SHISAL2A: variants seen among roughly 807,000 people sequenced by gnomAD.
SHISAL2A encodes shisa like 2A.
SHISAL2A carries 18 observed loss-of-function variants against 11.5 expected under a neutral mutation model. The ratio of observed to expected loss-of-function variants is 1.57; its 90% CI spans 1.08 to 2.33. SHISAL2A has a LOEUF of 2.33. Among genes scored for constraint, SHISAL2A ranks in the 30% most tolerant of loss-of-function variants. The pLI, the probability that SHISAL2A is intolerant of heterozygous loss-of-function variation, is 0.00. For synonymous variants in SHISAL2A, 94 were observed against 99.6 expected (o/e 0.94, Z 0.34); for missense variants, 261 against 250.9 (o/e 1.04, Z -0.27).
intron 2 of SHISAL2A, among the ~76,000 whole-genome samples, chr1:52,650,637 A>T (rs11205988): frequency 0.019 from 2,578 of 139,284 alleles, 77 homozygotes; most frequent in African/African-American, 0.062. Context: ...TCTTTTTTTT[A>T]AAACCCTTTT....
At chr1:52,635,481 C>A (rs1248738380) in intron 1 of SHISAL2A, among the ~76,000 whole-genome samples, 2 of 151,980 alleles carry the variant, frequency 1.3e-5, no homozygotes, top group Non-Finnish European at 2.9e-5. Flanking sequence ...TCAAAGCTAC[C>A]TTCTTGCACT....
intron 2 of SHISAL2A, among the ~76,000 whole-genome samples, chr1:52,650,663 G>C (rs1471210157): frequency 1.0e-4 from 2 of 19,680 alleles, no homozygotes; most frequent in East Asian, 3.4e-3. Context: ...TTTTTTTTTT[G>C]AGACAGAATC....
At chr1:52,664,585 C>T (rs1046569311) in intron 4 of SHISAL2A, among the ~76,000 whole-genome samples, 6 of 152,082 alleles carry the variant, frequency 3.9e-5, no homozygotes, top group South Asian at 2.1e-4. Context: ...CTCAAACTCC[C>T]GACCTCAGGT....
At chr1:52,653,391 C>T (rs919234825) in intron 2 of SHISAL2A, among the ~76,000 whole-genome samples, 3 of 149,948 alleles carry the variant, frequency 2.0e-5, no homozygotes, top group East Asian at 2.0e-4. Flanking sequence ...GCCCAGGAGG[C>T]GGAGGCTGCC....
chr1:52,643,151 G>T, intron 2 of SHISAL2A, 149 bp downstream of exon 2: 1 of 722,716 alleles, frequency 1.4e-6, no homozygotes, highest in Non-Finnish European at 2.3e-6. Context: ...GGAGATTCGT[G>T]ATCTAAACAT....
intron 4 of SHISAL2A, among the ~76,000 whole-genome samples, chr1:52,663,203 G>A (rs1691942218): frequency 6.6e-6 from 1 of 151,922 alleles, no homozygotes; most frequent in Admixed American, 6.6e-5. Flanking sequence ...ATCAACTCCC[G>A]AACTTTCCCC....
At chr1:52,640,719 T>C (rs900684867) in intron 1 of SHISAL2A, among the ~76,000 whole-genome samples, 1 of 152,154 alleles carries the variant, frequency 6.6e-6, no homozygotes, top group East Asian at 1.9e-4. Flanking sequence ...TCATTTGTTC[T>C]AAAATTTGGT....
chr1:52,645,126 T>C (rs1031273037), intron 2 of SHISAL2A, among the ~76,000 whole-genome samples: 2 of 151,912 alleles, frequency 1.3e-5, no homozygotes, highest in Admixed American at 6.6e-5. Context: ...AAGAGAGGGC[T>C]GAATGCCATC....
chr1:52,650,315 C>G (rs911237800), intron 2 of SHISAL2A, among the ~76,000 whole-genome samples: 1 of 152,146 alleles, frequency 6.6e-6, no homozygotes, highest in African/African-American at 2.4e-5. Flanking sequence ...GGGGGACTGG[C>G]CACGGAGGTC....
chr1:52,663,331 T>G (rs1294821969), intron 4 of SHISAL2A, among the ~76,000 whole-genome samples: 1 of 152,162 alleles, frequency 6.6e-6, no homozygotes, highest in African/African-American at 2.4e-5. Flanking sequence ...ACAGGTTCCC[T>G]CCAAGCACCT....
chr1:52,667,382 TCTCTATGACCCTGC>T, intron 4 of SHISAL2A: 1 of 984,498 alleles, frequency 1.0e-6, no homozygotes, highest in Non-Finnish European at 1.2e-6. Flanking sequence ...TTGTTCACAT[TCTCTATGACCCTGC>T]AGGTGGTTCC....
At chr1:52,649,252 C>T (rs566215243) in intron 2 of SHISAL2A, among the ~76,000 whole-genome samples, 1 of 152,300 alleles carries the variant, frequency 6.6e-6, no homozygotes, top group African/African-American at 2.4e-5. Context: ...CTCTCTTGCG[C>T]TTCAATAGGA....
chr1:52,643,104 A>C (rs1472860911), intron 2 of SHISAL2A, 102 bp downstream of exon 2: 2 of 1,192,530 alleles, frequency 1.7e-6, no homozygotes, highest in Non-Finnish European at 2.4e-6. Context: ...CCTCATGACT[A>C]TTCCTGGAAT....
chr1:52,663,313 T>C (rs1286031532), intron 4 of SHISAL2A, among the ~76,000 whole-genome samples: 1 of 152,066 alleles, frequency 6.6e-6, no homozygotes, highest in East Asian at 1.9e-4. Context: ...ACTGGCAGAA[T>C]CCCAAGCACA....
At chr1:52,652,411 C>G (rs112147558) in intron 2 of SHISAL2A, among the ~76,000 whole-genome samples, 6 of 152,248 alleles carry the variant, frequency 3.9e-5, no homozygotes, top group Non-Finnish European at 7.4e-5. Flanking sequence ...ATTCGTAATC[C>G]TTTACAAATT....
At chr1:52,657,266 G>A (rs1247525722), downstream of SHISAL2A, among the ~76,000 whole-genome samples, 3 of 152,132 alleles carry the variant, frequency 2.0e-5, no homozygotes, top group African/African-American at 4.8e-5. Context: ...CATGCAATCG[G>A]GTGGAAGCCT....
intron 1 of SHISAL2A, among the ~76,000 whole-genome samples, chr1:52,639,479 C>T (rs769913785): frequency 2.0e-5 from 3 of 152,020 alleles, no homozygotes; most frequent in African/African-American, 4.8e-5. Context: ...CTAGGCTGGG[C>T]GTGGTAGCTT....
In SHISAL2A at chr1:52,645,507, C is replaced by G. The variant is rs562721368; in HGVS notation, c.322+2505C>G. On this transcript the variant is annotated intron_variant, in intron 2 of 2. Coordinates refer to ENST00000517870, the MANE Select transcript of SHISAL2A (RefSeq NM_001042693.3). ...CACTGCAGCCTTGCACTCCGGGGCT[C>G]AGGTGATTCTCCCACCTCATTCTCC... Among the ~76,000 whole-genome samples the G allele has an allele frequency of 2.0e-5, 3 of 152,016 alleles. No homozygotes were observed. In the South Asian group the frequency reaches 6.2e-4, roughly 32 times the overall value.
At chr1:52,664,143 C>G (rs956863002) in intron 4 of SHISAL2A, among the ~76,000 whole-genome samples, 1 of 152,016 alleles carries the variant, frequency 6.6e-6, no homozygotes, top group African/African-American at 2.4e-5. Context: ...TAGAATTTGT[C>G]CTGCAAGACC....
Sources: allele counts gnomAD v4.1 joint callset (sites outside exome capture counted in the v4.1 genomes callset), GRCh38; gene constraint gnomAD v4.1.1; transcripts MANE v1.5; gene names NCBI Gene and HGNC (gene_info 2026-07-23, HGNC 2026-07-21).